The following TRAF7 variants were observed in gnomAD, a reference collection of about 807,000 sequenced individuals.
TRAF7 encodes E3 ubiquitin-protein ligase TRAF7.
In TRAF7, 45 loss-of-function variants were observed where a neutral mutation model predicts 89.3. The observed-to-expected ratio is 0.50, with a 90% CI of 0.40 to 0.65. The LOEUF (loss-of-function observed/expected upper bound fraction) is 0.65. Among genes scored for constraint, TRAF7 ranks in the 30% least tolerant of loss-of-function variants. TRAF7 has a pLI of 0.00. For synonymous variants in TRAF7, 406 were observed against 369.2 expected (o/e 1.10, Z -1.14); for missense variants, 677 against 918.1 (o/e 0.74, Z 3.39).
chr16:2,162,603 G>A lies in TRAF7; in HGVS notation c.-38-1280G>A, dbSNP rs149874751. On this transcript the variant is annotated intron_variant, in intron 1 of 20. Coordinates refer to ENST00000326181, the MANE Select transcript of TRAF7 (RefSeq NM_032271.3). The surrounding 1 kb of genome is among the most constrained non-coding windows in gnomAD (Gnocchi z 5.0). ...CCCCTGGGGCCTTGGTTTGCAGCCC[G>A]GCTTCCCCAGGGTGAGAGCAGGGCC... 7.8e-4 allele frequency among the ~76,000 whole-genome samples: 118 copies of A among 152,162 alleles called. 1 individual carries two copies. The highest frequency in any genetic ancestry group is 1.5e-3 in the Non-Finnish European group (102 of 67,956).
chr16:2,156,671 C>T (rs1359384629), intron 1 of TRAF7, among the ~76,000 whole-genome samples: 2 of 132,358 alleles, frequency 1.5e-5, no homozygotes, highest in Admixed American at 1.9e-4. Flanking sequence ...CCCCAGCAAG[C>T]ACTGGCAAGT....
In TRAF7 at chr16:2,172,219, G is replaced by T; in HGVS notation, c.504G>T (p.Leu168=). The change falls in exon 8 of 21, where the codon CTG becomes CTT. Residue 168 remains leucine (L), a synonymous_variant. Transcript: ENST00000326181. The part of the protein sequence containing the change: ...SEKCPVDNVK[L]TVVVNNIAVA... ...AGTGTCCCGTGGACAACGTCAAACT[G>T]ACCGTGGTGGTGAACAACATCGCGG... 6.2e-7 allele frequency: 1 copy of T among 1,613,064 alleles called. No homozygotes were observed. Among genetic ancestry groups the T allele is most frequent in the Non-Finnish European group, 8.5e-7 (1 of 1,179,972 alleles).
In TRAF7 at chr16:2,162,506, TC is replaced by T. The variant is rs2141268543; in HGVS notation, c.-38-1375del. On this transcript the variant is annotated intron_variant, in intron 1 of 20. Transcript: ENST00000326181. The surrounding 1 kb of genome is among the most constrained non-coding windows in gnomAD (Gnocchi z 5.0). ...CTCAGTGATGCCCCCTGAGCTGTGC[TC>T]CTGCTGGGTGGGGGCAGAGACCAGC... is the stretch of plus-strand genomic sequence containing the variant. Among the ~76,000 whole-genome samples the T allele has an allele frequency of 6.6e-6, 1 of 152,216 alleles. No individual in the cohort carries two copies. Among genetic ancestry groups the T allele is most frequent in the Admixed American group, 6.5e-5 (1 of 15,306 alleles).
rs917616523 is a variant in TRAF7 at position 2,162,703 on chromosome 16, G to T, written c.-38-1180G>T. Reference sequence around the variant, plus strand: ...TGAGGGCTCCTGCCTTGGGAGCTGAGCCCATGGTGTGTCCTCATGGGGTGC... The same window carrying T: ...TGAGGGCTCCTGCCTTGGGAGCTGATCCCATGGTGTGTCCTCATGGGGTGC... On this transcript the variant is annotated intron_variant, in intron 1 of 20. Coordinates refer to ENST00000326181, the MANE Select transcript of TRAF7 (RefSeq NM_032271.3). The surrounding 1 kb of genome is among the most constrained non-coding windows in gnomAD (Gnocchi z 5.0). 5.9e-5 allele frequency among the ~76,000 whole-genome samples: 9 copies of T among 152,186 alleles called. 1 individual carries two copies. Among genetic ancestry groups the T allele is most frequent in the African/African-American group, 1.9e-4 (8 of 41,556 alleles).
intron 5 of TRAF7, 92 bp from the exon 6 acceptor site, chr16:2,171,172 C>T (rs2093108098): frequency 9.4e-7 from 1 of 1,059,136 alleles, no homozygotes; most frequent in Non-Finnish European, 1.4e-6. Flanking sequence ...CAGAGGACAG[C>T]CAGGCCTGGA....
rs1230705749 is a variant in TRAF7, at chr16:2,176,554, C to G, written c.1999-6C>G. 1 of 1,613,450 alleles carries G rather than the reference C, an allele frequency of 6.2e-7. No individual in the cohort carries two copies. On this transcript the variant is annotated splice_region_variant and splice_polypyrimidine_tract_variant and intron_variant, in intron 20 of 20. Coordinates refer to ENST00000326181, the MANE Select transcript of TRAF7 (RefSeq NM_032271.3). Reference sequence around the variant, plus strand: ...ACATCCTGGTGAAGCAGCCCTTTCTCTGCAGGTTTGGACTTGCTAACAGGA... The same window carrying G: ...ACATCCTGGTGAAGCAGCCCTTTCTGTGCAGGTTTGGACTTGCTAACAGGA...
intron 1 of TRAF7, among the ~76,000 whole-genome samples, chr16:2,156,199 G>A (rs925077401): frequency 2.6e-5 from 4 of 152,082 alleles, no homozygotes; most frequent in African/African-American, 9.7e-5. Context: ...TCCTGTGCTC[G>A]GCGTCTGCTG....
intron 4 of TRAF7, among the ~76,000 whole-genome samples, chr16:2,169,328 G>A (rs933622494): frequency 7.2e-5 from 11 of 152,168 alleles, no homozygotes; most frequent in African/African-American, 1.2e-4. Flanking sequence ...CCTGTGTGCC[G>A]GGCGCTGTGC....
Position 2,158,002 on chromosome 16 carries a change from C to A in TRAF7, c.-39+2144C>A, listed in dbSNP as rs930978093. Among the ~76,000 whole-genome samples, 1 of 152,194 alleles carries A rather than the reference C, an allele frequency of 6.6e-6. No homozygotes were observed. The highest frequency in any genetic ancestry group is 1.5e-5 in the Non-Finnish European group (1 of 68,032). On this transcript the variant is annotated intron_variant, in intron 1 of 20. Coordinates refer to ENST00000326181, the MANE Select transcript of TRAF7 (RefSeq NM_032271.3). The surrounding 1 kb of genome is among the most constrained non-coding windows in gnomAD (Gnocchi z 4.7). ...TGGCTCTATTCCGTTTTTCGAGAAG[C>A]CCGAGGCCAGGAGGGCAGGTACACA...
rs968392227 is a variant in TRAF7, at chr16:2,162,672, T to C, written c.-38-1211T>C. On this transcript the variant is annotated intron_variant, in intron 1 of 20. Coordinates refer to ENST00000326181, the MANE Select transcript of TRAF7 (RefSeq NM_032271.3). This position sits in a 1 kb window ranked among gnomAD's most constrained non-coding sequence, Gnocchi z 5.0. Reference sequence around the variant, plus strand: ...CTGCTGCACCGCCCCCAGAGCAAGCTTGTTCTGAGGGCTCCTGCCTTGGGA... The same window carrying C: ...CTGCTGCACCGCCCCCAGAGCAAGCCTGTTCTGAGGGCTCCTGCCTTGGGA... 6.6e-6 allele frequency among the ~76,000 whole-genome samples: 1 copy of C among 151,982 alleles called. No individual in the cohort carries two copies.
chr16:2,164,122 T>A, intron 2 of TRAF7, 121 bp downstream of exon 2: 1 of 703,194 alleles, frequency 1.4e-6, no homozygotes, highest in Non-Finnish European at 2.2e-6. Flanking sequence ...TCAGGGGAGC[T>A]CGGTGGGGGG....
intron 2 of TRAF7, among the ~76,000 whole-genome samples, chr16:2,165,229 CGT>C (rs1249845613): frequency 7.2e-6 from 1 of 138,854 alleles, no homozygotes; most frequent in Non-Finnish European, 1.6e-5. Context: ...CATGGTTAAG[CGT>C]GTTAGTGCTA....
intron 7 of TRAF7, 67 bp from the exon 8 acceptor site, chr16:2,172,124 A>T: frequency 6.3e-7 from 1 of 1,591,174 alleles, no homozygotes; most frequent in Non-Finnish European, 8.6e-7. Context: ...TTAGAGGCTC[A>T]TGCCCACCCG....
intron 5 of TRAF7, 106 bp from the exon 6 acceptor site, chr16:2,171,158 T>A: frequency 1.1e-6 from 1 of 896,612 alleles, no homozygotes; most frequent in Non-Finnish European, 1.7e-6. Flanking sequence ...CGTGACCCTG[T>A]CCTCAGAGGA....
Position 2,176,283 on chromosome 16 carries a change from A to G in TRAF7, c.1897A>G (p.Met633Val). The change falls in exon 20 of 21, where the codon ATG becomes GTG. Residue 633 changes from methionine to valine, a missense_variant. Physicochemically the swap from Met to Val is conservative, Grantham distance 21. Around this residue, in one of 6 missense-constraint regions of TRAF7, gnomAD observed 160 missense variants for 263.7 expected, o/e 0.61. Coordinates refer to ENST00000326181, the MANE Select transcript of TRAF7 (RefSeq NM_032271.3). Reference sequence around the variant, plus strand: ...CCCCCAGGTCTGGAGTATGGACAACATGATCTGCACGCAGACCCTGCTGCG... The same window carrying G: ...CCCCCAGGTCTGGAGTATGGACAACGTGATCTGCACGCAGACCCTGCTGCG... ...RSLRVWSMDN[M>V]ICTQTLLRHQ... The G allele has an allele frequency of 6.2e-7, 1 of 1,602,750 alleles. No individual in the cohort carries two copies. The highest frequency in any genetic ancestry group is 8.5e-7 in the Non-Finnish European group (1 of 1,179,458).
At chr16:2,164,067 GT>G (rs1377421527) in intron 2 of TRAF7, 66 bp downstream of exon 2, 13 of 1,450,550 alleles carry the variant, frequency 9.0e-6, no homozygotes, top group Non-Finnish European at 1.2e-5. Flanking sequence ...GGGATCTGGT[GT>G]TGCCTGCAGA....
intron 12 of TRAF7, 26 bp downstream of exon 12, chr16:2,173,862 C>CG: frequency 3.9e-5 from 25 of 648,068 alleles, no homozygotes; most frequent in South Asian, 8.3e-5. Context: ...CCGTGGCTCC[C>CG]GCCCACCCTC....
chr16:2,159,218 A>G lies in TRAF7; in HGVS notation c.-39+3360A>G, dbSNP rs2093047893. 6.6e-6 allele frequency among the ~76,000 whole-genome samples: 1 copy of G among 151,842 alleles called. No individual in the cohort carries two copies. The highest frequency in any genetic ancestry group is 1.5e-5 in the Non-Finnish European group (1 of 67,940). On this transcript the variant is annotated intron_variant, in intron 1 of 20. Coordinates refer to ENST00000326181, the MANE Select transcript of TRAF7 (RefSeq NM_032271.3). The surrounding 1 kb of genome is among the most constrained non-coding windows in gnomAD (Gnocchi z 6.5). ...CTGGAGGCTGAGTGGATGCAGTAGG[A>G]GCAGAGCTGGGGGAGGAGTTCAGAG...
Position 2,173,919 on chromosome 16 carries a change from A to C in TRAF7, c.1136-2A>C. 6.4e-7 allele frequency: 1 copy of C among 1,553,694 alleles called. No individual in the cohort carries two copies. The highest frequency in any genetic ancestry group is 8.7e-7 in the Non-Finnish European group (1 of 1,154,468). ...CTTCACCCACTGCTCCCATCTCTGCAGCCTACGACCCTCAGCAGATCTTCA... is the reference window on the plus strand; with the variant it reads ...CTTCACCCACTGCTCCCATCTCTGCCGCCTACGACCCTCAGCAGATCTTCA... On this transcript the variant is annotated splice_acceptor_variant, in intron 12 of 20. Transcript: ENST00000326181. LOFTEE classifies it high-confidence loss of function.
Sources: allele counts gnomAD v4.1 joint callset (sites outside exome capture counted in the v4.1 genomes callset), GRCh38; gene constraint gnomAD v4.1.1; regional missense constraint gnomAD v4.1.1; non-coding constraint Gnocchi (gnomAD v3.1); transcripts MANE v1.5; gene names NCBI Gene and HGNC (gene_info 2026-07-23, HGNC 2026-07-21).